The following IMMP2L variants were observed in gnomAD, a reference collection of about 807,000 sequenced individuals.
IMMP2L encodes mitochondrial inner membrane protease subunit 2.
IMMP2L carries 18 observed loss-of-function variants against 19.3 expected under a neutral mutation model. The ratio of observed to expected loss-of-function variants is 0.93; its 90% CI spans 0.64 to 1.38. The LOEUF (loss-of-function observed/expected upper bound fraction) is 1.38. Ranked by LOEUF, IMMP2L falls within the 40% of genes most tolerant of loss-of-function variation. IMMP2L has a pLI of 0.00. For synonymous variants in IMMP2L, 76 were observed against 73.0 expected (o/e 1.04, Z -0.21); for missense variants, 233 against 218.2 (o/e 1.07, Z -0.43).
At chr7:111,112,041 G>C (rs1370176206) in intron 3 of IMMP2L, among the ~76,000 whole-genome samples, 2 of 141,250 alleles carry the variant, frequency 1.4e-5, no homozygotes, top group Admixed American at 7.7e-5. Context: ...TCTGCCTCCT[G>C]GGTTCCGGTG....
At chr7:111,033,447 T>C (rs12668258) in intron 3 of IMMP2L, among the ~76,000 whole-genome samples, 1 of 152,106 alleles carries the variant, frequency 6.6e-6, no homozygotes, top group African/African-American at 2.4e-5. Flanking sequence ...TCTCATCATA[T>C]GATCCATCAA....
chr7:111,102,382 T>G (rs1453056766), intron 3 of IMMP2L, among the ~76,000 whole-genome samples: 2 of 151,526 alleles, frequency 1.3e-5, no homozygotes, highest in Non-Finnish European at 3.0e-5. Context: ...CCCATATTTG[T>G]GGAACCTCTT....
At chr7:110,916,073 T>C (rs1400546504) in intron 4 of IMMP2L, among the ~76,000 whole-genome samples, 2 of 152,172 alleles carry the variant, frequency 1.3e-5, no homozygotes, top group Non-Finnish European at 2.9e-5. Context: ...TCTACATCCT[T>C]GATATGGTTA....
At chr7:110,668,683 AT>A (rs1791626446) in intron 5 of IMMP2L, among the ~76,000 whole-genome samples, 1 of 152,192 alleles carries the variant, frequency 6.6e-6, no homozygotes, top group South Asian at 2.1e-4. Context: ...CCTGAAAAAA[AT>A]AATTCATCTT....
intron 3 of IMMP2L, among the ~76,000 whole-genome samples, chr7:111,162,157 G>A (rs1805337438): frequency 6.6e-6 from 1 of 151,922 alleles, no homozygotes; most frequent in Non-Finnish European, 1.5e-5. Flanking sequence ...TATATTTATT[G>A]ATAAATAAAT....
At chr7:110,717,359 G>A (rs1795295721) in intron 5 of IMMP2L, among the ~76,000 whole-genome samples, 1 of 152,202 alleles carries the variant, frequency 6.6e-6, no homozygotes, top group South Asian at 2.1e-4. Flanking sequence ...CAGCTACTTG[G>A]GAGGCTGAGG....
intron 3 of IMMP2L, among the ~76,000 whole-genome samples, chr7:111,032,978 G>A (rs1790982371): frequency 6.6e-6 from 1 of 151,858 alleles, no homozygotes; most frequent in Non-Finnish European, 1.5e-5. Flanking sequence ...AAATTAGCTG[G>A]GCATGGTGGC....
chr7:111,500,318 T>C (rs1277620605), intron 2 of IMMP2L, among the ~76,000 whole-genome samples: 2 of 152,166 alleles, frequency 1.3e-5, no homozygotes, highest in Non-Finnish European at 2.9e-5. Context: ...AAGCTCGAAC[T>C]ACGCGGAGAC....
intron 5 of IMMP2L, among the ~76,000 whole-genome samples, chr7:110,675,926 G>C (rs1792264253): frequency 6.6e-6 from 1 of 152,114 alleles, no homozygotes; most frequent in African/African-American, 2.4e-5. Context: ...ATTTTGACAA[G>C]TGAACATTTA....
At chr7:110,856,387 A>G (rs1349296243) in intron 5 of IMMP2L, among the ~76,000 whole-genome samples, 2 of 152,072 alleles carry the variant, frequency 1.3e-5, no homozygotes, top group Non-Finnish European at 2.9e-5. Context: ...CACTGCCAAG[A>G]TAAGTAGGAA....
intron 5 of IMMP2L, among the ~76,000 whole-genome samples, chr7:110,864,086 A>C (rs1807734409): frequency 6.6e-6 from 1 of 152,152 alleles, no homozygotes; most frequent in Non-Finnish European, 1.5e-5. Context: ...TTAGTTAATA[A>C]TATAGCTAAT....
At chr7:111,127,069 A>T (rs959624018) in intron 3 of IMMP2L, among the ~76,000 whole-genome samples, 7 of 152,232 alleles carry the variant, frequency 4.6e-5, no homozygotes, top group African/African-American at 1.4e-4. Context: ...GGGTAAATTG[A>T]GTTGATTTTA....
At chr7:110,892,875 T>G (rs192433691) in intron 4 of IMMP2L, among the ~76,000 whole-genome samples, 1 of 152,140 alleles carries the variant, frequency 6.6e-6, no homozygotes, top group African/African-American at 2.4e-5. Context: ...TATGAAACAC[T>G]TGAGTTACCC....
At chr7:110,739,857 A>C (rs1796883064) in intron 5 of IMMP2L, among the ~76,000 whole-genome samples, 1 of 152,306 alleles carries the variant, frequency 6.6e-6, no homozygotes, top group African/African-American at 2.4e-5. Context: ...AATTATATCA[A>C]GTACTCTCTG....
chr7:111,474,198 G>T (rs1224770799), intron 3 of IMMP2L, among the ~76,000 whole-genome samples: 1 of 152,012 alleles, frequency 6.6e-6, no homozygotes, highest in Non-Finnish European at 1.5e-5. Flanking sequence ...GGGGGAAAAA[G>T]GTTGATAAAC....
At chr7:111,129,096 C>T (rs1180671379) in intron 3 of IMMP2L, among the ~76,000 whole-genome samples, 2 of 151,928 alleles carry the variant, frequency 1.3e-5, no homozygotes, top group Non-Finnish European at 2.9e-5. Context: ...CAAAATGTGT[C>T]AGAAGCTACT....
intron 3 of IMMP2L, among the ~76,000 whole-genome samples, chr7:111,421,406 A>T (rs1271722595): frequency 6.7e-6 from 1 of 149,816 alleles, no homozygotes; most frequent in Non-Finnish European, 1.5e-5. Context: ...AGTAGCTGGG[A>T]CTACAGGCGC....
At chr7:110,819,881 A>T (rs1349803763) in intron 5 of IMMP2L, among the ~76,000 whole-genome samples, 1 of 152,090 alleles carries the variant, frequency 6.6e-6, no homozygotes, top group African/African-American at 2.4e-5. Flanking sequence ...GTGTTTTATA[A>T]ACTGACTATA....
At chr7:111,072,401 G>A (rs896941582) in intron 3 of IMMP2L, among the ~76,000 whole-genome samples, 1 of 152,208 alleles carries the variant, frequency 6.6e-6, no homozygotes, top group African/African-American at 2.4e-5. Context: ...TGATGTCACC[G>A]AATCTGGGGC....
Sources: allele counts gnomAD v4.1 joint callset (sites outside exome capture counted in the v4.1 genomes callset), GRCh38; gene constraint gnomAD v4.1.1; transcripts MANE v1.5; gene names NCBI Gene and HGNC (gene_info 2026-07-23, HGNC 2026-07-21).